Variants in TANC1 observed in about 807,000 individuals in gnomAD.
TANC1 encodes protein TANC1.
Under a neutral mutation model 149.7 loss-of-function variants are expected in TANC1, and 77 were observed. The ratio of observed to expected loss-of-function variants is 0.51; its 90% CI spans 0.43 to 0.62. The LOEUF (loss-of-function observed/expected upper bound fraction) is 0.62. TANC1 is among the 20% of genes least tolerant of loss of function. The pLI is 0.00. For missense variants in TANC1, 1,985 were observed against 2,321.8 expected (o/e 0.85, Z 2.98); for synonymous variants, 854 against 925.0 (o/e 0.92, Z 1.39).
At chr2:159,203,209 CTT>C (rs56319016) in intron 19 of TANC1, among the ~76,000 whole-genome samples, 11 of 101,660 alleles carry the variant, frequency 1.1e-4, no homozygotes, top group Non-Finnish European at 1.2e-4. Flanking sequence ...CTTTTCTTTT[CTT>C]TTTTTTTTTT....
intron 19 of TANC1, among the ~76,000 whole-genome samples, chr2:159,206,291 A>G (rs2058599536): frequency 6.6e-6 from 1 of 152,168 alleles, no homozygotes; most frequent in South Asian, 2.1e-4. Context: ...TCCTCCAAAC[A>G]GTGGAGGCAG....
At chr2:159,207,682 GA>G (rs1341610208) in intron 19 of TANC1, among the ~76,000 whole-genome samples, 1 of 102,286 alleles carries the variant, frequency 9.8e-6, no homozygotes, top group Non-Finnish European at 1.8e-5. Context: ...CTGGGCGACT[GA>G]GCAACACGTG....
intron 1 of TANC1, among the ~76,000 whole-genome samples, chr2:158,975,670 A>G (rs938775433): frequency 6.6e-6 from 1 of 151,464 alleles, no homozygotes; most frequent in African/African-American, 2.4e-5. Flanking sequence ...TCCTGGCCTC[A>G]AGCAATCCTT....
chr2:159,143,075 A>AC (rs2051580509), intron 5 of TANC1, among the ~76,000 whole-genome samples: 1 of 98,892 alleles, frequency 1.0e-5, no homozygotes, highest in Admixed American at 1.1e-4. Flanking sequence ...AAAAAAAAAA[A>AC]AAACAACAAA....
At chr2:159,012,280 G>A (rs2037846398) in intron 2 of TANC1, among the ~76,000 whole-genome samples, 1 of 152,148 alleles carries the variant, frequency 6.6e-6, no homozygotes, top group Non-Finnish European at 1.5e-5. Flanking sequence ...TGCTGCTGCT[G>A]TTTCTATTTT....
At position 158,992,073 on chromosome 2, in the gene TANC1, C is replaced by T. The variant is rs533166230; in HGVS notation, c.-125-9007C>T. On this transcript the variant is annotated intron_variant, in intron 1 of 26. Coordinates refer to ENST00000263635, the MANE Select transcript of TANC1 (RefSeq NM_033394.3). ...TGGAAAGCGAGAGAAAAGAGTAATA[C>T]ACGTTTAGGCTGGGTGTGGTGGCTC... Among the ~76,000 whole-genome samples the T allele has an allele frequency of 7.0e-4, 107 of 151,928 alleles. 1 individual carries two copies. The highest frequency in any genetic ancestry group is 1.3e-3 in the Non-Finnish European group (88 of 67,942).
chr2:159,192,896 C>T (rs1419644086), intron 16 of TANC1, among the ~76,000 whole-genome samples: 2 of 152,176 alleles, frequency 1.3e-5, no homozygotes, highest in African/African-American at 2.4e-5. Flanking sequence ...GTGATCCGCC[C>T]GCCTCAGCCT....
intron 18 of TANC1, 147 bp from the exon 19 acceptor site, chr2:159,198,827 CT>C (rs1250083714): frequency 3.6e-6 from 2 of 551,144 alleles, no homozygotes; most frequent in African/African-American, 3.9e-5. Context: ...ATGAATTATG[CT>C]TGAAAACAGT....
intron 3 of TANC1, among the ~76,000 whole-genome samples, chr2:159,073,875 G>A (rs1308599934): frequency 6.6e-6 from 1 of 152,014 alleles, no homozygotes; most frequent in African/African-American, 2.4e-5. Flanking sequence ...TGGGGAGACG[G>A]GCTACAAAGG....
chr2:159,076,472 C>T (rs2043688474), intron 3 of TANC1, among the ~76,000 whole-genome samples: 1 of 152,194 alleles, frequency 6.6e-6, no homozygotes, highest in Non-Finnish European at 1.5e-5. Flanking sequence ...TCTTTGTGCA[C>T]AGCCAAAGAT....
chr2:159,193,832 T>A (rs1156475734), intron 16 of TANC1, among the ~76,000 whole-genome samples: 1 of 152,142 alleles, frequency 6.6e-6, no homozygotes, highest in African/African-American at 2.4e-5. Context: ...CTACTGACAT[T>A]TTTAATTAAA....
intron 1 of TANC1, among the ~76,000 whole-genome samples, chr2:158,970,667 C>T (rs2032732044): frequency 6.6e-6 from 1 of 152,188 alleles, no homozygotes; most frequent in African/African-American, 2.4e-5. Context: ...TATCTGATAT[C>T]CTTCAGGACT....
intron 4 of TANC1, among the ~76,000 whole-genome samples, chr2:159,121,081 G>A (rs1177171798): frequency 6.6e-6 from 1 of 152,194 alleles, no homozygotes; most frequent in African/African-American, 2.4e-5. Context: ...CTAACACAAG[G>A]TAACCTGATG....
chr2:159,170,488 G>T (rs748714672), intron 9 of TANC1, 36 bp from the exon 10 acceptor site: 3 of 1,547,256 alleles, frequency 1.9e-6, no homozygotes, highest in South Asian at 2.5e-5. Flanking sequence ...ATAAAATTAT[G>T]ACATTTTTCT....
intron 4 of TANC1, among the ~76,000 whole-genome samples, chr2:159,108,536 C>T (rs555502309): frequency 2.4e-4 from 37 of 152,298 alleles, no homozygotes; most frequent in African/African-American, 8.4e-4. Flanking sequence ...TCTTTTTCAT[C>T]ATTTCTGATT....
intron 2 of TANC1, among the ~76,000 whole-genome samples, chr2:159,011,753 T>G (rs2037790798): frequency 6.6e-6 from 1 of 152,130 alleles, no homozygotes. Flanking sequence ...TTGACTTACA[T>G]TTTTAAAAAA....
At chr2:159,161,996 G>A (rs1279980045) in intron 7 of TANC1, among the ~76,000 whole-genome samples, 1 of 152,228 alleles carries the variant, frequency 6.6e-6, no homozygotes, top group African/African-American at 2.4e-5. Context: ...GCATTTATGT[G>A]GGATTTTTTA....
chr2:159,227,573 T>G (rs6704762), intron 24 of TANC1: 5,882 of 504,730 alleles, frequency 0.012, 214 homozygotes, highest in African/African-American at 0.086. Context: ...ACAGACACCT[T>G]ATTGTAAAAC....
At chr2:159,000,138 G>C (rs939865756) in intron 1 of TANC1, among the ~76,000 whole-genome samples, 2 of 152,110 alleles carry the variant, frequency 1.3e-5, no homozygotes, top group African/African-American at 2.4e-5. Context: ...GTTGGGGTAG[G>C]GGGGACCACC....
Sources: allele counts gnomAD v4.1 joint callset (sites outside exome capture counted in the v4.1 genomes callset), GRCh38; gene constraint gnomAD v4.1.1; transcripts MANE v1.5; gene names NCBI Gene and HGNC (gene_info 2026-07-23, HGNC 2026-07-21).